NUDC: variants seen among roughly 807,000 people sequenced by gnomAD.
NUDC encodes the protein nuclear distribution C, dynein complex regulator.
In NUDC, 14 loss-of-function variants were observed where a neutral mutation model predicts 45.0. The ratio of observed to expected loss-of-function variants is 0.31; its 90% CI spans 0.21 to 0.49. The LOEUF is 0.49. Ranked by LOEUF, NUDC falls within the 20% of genes least tolerant of loss-of-function variation. The pLI, the probability that NUDC is intolerant of heterozygous loss-of-function variation, is 0.99. For missense variants in NUDC, 323 were observed against 426.2 expected (o/e 0.76, Z 2.13); for synonymous variants, 153 against 156.7 (o/e 0.98, Z 0.17).
intron 6 of NUDC, chr1:26,944,991 G>A (rs1478348982): frequency 1.2e-5 from 3 of 246,284 alleles, no homozygotes; most frequent in South Asian, 5.1e-5. Context: ...GCAGTGAGCC[G>A]AGATGGTGCC....
intron 2 of NUDC, 95 bp from the exon 3 acceptor site, chr1:26,941,362 C>T (rs2082274623): frequency 1.5e-6 from 2 of 1,302,084 alleles, no homozygotes; most frequent in African/African-American, 1.4e-5. Context: ...CAGTGCTTTG[C>T]CCTTGCACCC....
At chr1:26,913,772 G>C in intron 3 of NUDC, 1 of 1,566,364 alleles carries the variant, frequency 6.4e-7, no homozygotes. Flanking sequence ...AAGGCCTCCC[G>C]GCAGGTGCGA....
chr1:26,942,717 C>A lies in NUDC; in HGVS notation c.487C>A (p.Leu163Ile), dbSNP rs994904483. ...EKDKGKLKPNLGNGADLPNYR... is the reference protein window; with the variant it reads ...EKDKGKLKPNIGNGADLPNYR... ...GGACAAAGGAAAACTGAAGCCCAAC[C>A]TAGGCAACGGGGCAGACCTGCCCAA... The change falls in exon 5 of 9, where the codon CTA becomes ATA. Residue 163 changes from leucine (L) to isoleucine (I), a missense_variant. This residue lies in a region of NUDC where 245 missense variants were observed against 278.8 expected (regional missense o/e 0.88). Coordinates refer to ENST00000321265, the MANE Select transcript of NUDC (RefSeq NM_006600.4). The A allele has an allele frequency of 1.9e-6, 3 of 1,614,232 alleles. No homozygotes were observed. Among genetic ancestry groups the A allele is most frequent in the African/African-American group, 1.3e-5 (1 of 75,066 alleles).
chr1:26,936,167 T>TATATATA (rs1557678406), intron 2 of NUDC, among the ~76,000 whole-genome samples: 5 of 3,006 alleles, frequency 1.7e-3, no homozygotes, highest in Non-Finnish European at 2.2e-3. Flanking sequence ...ATATATATAT[T>TATATATA]TTTTTTTTTT....
At chr1:26,918,067 A>C (rs1384750777), upstream of NUDC, among the ~76,000 whole-genome samples, 1 of 151,944 alleles carries the variant, frequency 6.6e-6, no homozygotes, top group East Asian at 1.9e-4. Flanking sequence ...ATCATCTCCA[A>C]TTCCAAGCTC....
Position 26,914,836 on chromosome 1 carries a change from A to G in NUDC, c.93+3601A>G, listed in dbSNP as rs112256582. Among the ~76,000 whole-genome samples, 600 of 152,002 alleles carry G rather than the reference A, an allele frequency of 3.9e-3. 5 individuals are homozygous for G. Among genetic ancestry groups the G allele is most frequent in the African/African-American group, 0.014 (579 of 41,442 alleles). On this transcript the variant is annotated intron_variant, in intron 3 of 6. Coordinates refer to the NUDC transcript ENST00000435827. ...ACAAAAATTAGCCGGGCATGGTGGC[A>G]TGTGCCTGTAGTCCCAGCTACTCTA...
intron 2 of NUDC, among the ~76,000 whole-genome samples, chr1:26,927,187 C>CGTGT (rs71010306): frequency 7.9e-6 from 1 of 126,742 alleles, no homozygotes; most frequent in South Asian, 2.3e-4. Context: ...AGAGATGAAC[C>CGTGT]GTGTGTGTGT....
At chr1:26,934,343 G>A (rs936406509) in intron 2 of NUDC, among the ~76,000 whole-genome samples, 7 of 152,270 alleles carry the variant, frequency 4.6e-5, no homozygotes, top group African/African-American at 1.7e-4. Context: ...CATGAGAACA[G>A]CATGGGGGAA....
intron 2 of NUDC, among the ~76,000 whole-genome samples, chr1:26,936,134 A>AACATATATATATATATATATATAT (rs1553163907): frequency 1.3e-3 from 9 of 6,812 alleles, no homozygotes; most frequent in Non-Finnish European, 2.0e-3. Flanking sequence ...ACGCCCGGCT[A>AACATATATATATATATATATATAT]ATATATATAT....
Position 26,913,347 on chromosome 1 carries a change from A to G in NUDC, c.93+2112A>G, listed in dbSNP as rs538578692. Reference sequence around the variant, plus strand: ...AACAGATATCAAACCCTTAGAAGCTACCTTCCCTGGCTGGCCCCTGCTTCA... The same window carrying G: ...AACAGATATCAAACCCTTAGAAGCTGCCTTCCCTGGCTGGCCCCTGCTTCA... On this transcript the variant is annotated intron_variant, in intron 3 of 6. Transcript: ENST00000435827. The G allele has an allele frequency of 9.0e-5, 133 of 1,476,212 alleles. 1 individual carries two copies. The highest frequency in any genetic ancestry group is 1.1e-4 in the Non-Finnish European group (118 of 1,054,498). The allele number at this position is 1,476,212 out of a possible 1,614,324, so 91.4% of individuals were successfully genotyped here.
chr1:26,917,800 C>T (rs2082068918), upstream of NUDC, among the ~76,000 whole-genome samples: 1 of 151,654 alleles, frequency 6.6e-6, no homozygotes, highest in African/African-American at 2.4e-5. Context: ...GCAGGAGAAT[C>T]GCTTGAACCT....
At chr1:26,919,381 G>A (rs1342340048), upstream of NUDC, among the ~76,000 whole-genome samples, 1 of 152,160 alleles carries the variant, frequency 6.6e-6, no homozygotes, top group Non-Finnish European at 1.5e-5. Context: ...TTTTTAAATT[G>A]TTTTGTAGAG....
chr1:26,914,863 A>G (rs556641739), intron 3 of NUDC, among the ~76,000 whole-genome samples: 43 of 152,086 alleles, frequency 2.8e-4, no homozygotes, highest in African/African-American at 1.0e-3. Flanking sequence ...GCTACTCTAG[A>G]GGCTAAGGCA....
intron 3 of NUDC, chr1:26,912,021 A>C: frequency 6.2e-7 from 1 of 1,614,190 alleles, no homozygotes; most frequent in Non-Finnish European, 8.5e-7. Context: ...AGGACTTCAC[A>C]CAGCACCCAG....
intron 2 of NUDC, among the ~76,000 whole-genome samples, chr1:26,904,807 C>T (rs2081995573): frequency 6.6e-6 from 1 of 151,934 alleles, no homozygotes; most frequent in Admixed American, 6.6e-5. Context: ...ACTAAGTTCA[C>T]ACATGGTAAA....
At chr1:26,925,538 C>CAAAAAAA (rs71010305) in intron 2 of NUDC, among the ~76,000 whole-genome samples, 1 of 43,342 alleles carries the variant, frequency 2.3e-5, no homozygotes, top group African/African-American at 8.2e-5. Context: ...GACTCCGTCT[C>CAAAAAAA]AAAAAAAAAA....
At chr1:26,914,078 A>C in intron 3 of NUDC, 1 of 679,616 alleles carries the variant, frequency 1.5e-6, no homozygotes, top group Non-Finnish European at 2.1e-6. Flanking sequence ...TGAAAAAAAC[A>C]CACAGACATT....
chr1:26,911,710 G>T, intron 3 of NUDC: 1 of 991,260 alleles, frequency 1.0e-6, no homozygotes, highest in Non-Finnish European at 1.6e-6. Flanking sequence ...TGAGTGAAGA[G>T]CTGTTCCTAA....
At chr1:26,920,179 T>C (rs1056382073), upstream of NUDC, among the ~76,000 whole-genome samples, 2 of 152,158 alleles carry the variant, frequency 1.3e-5, no homozygotes, top group Admixed American at 6.5e-5. Flanking sequence ...TGTAACCATA[T>C]CAGAGCCTTT....
Sources: allele counts gnomAD v4.1 joint callset (sites outside exome capture counted in the v4.1 genomes callset), GRCh38; gene constraint gnomAD v4.1.1; regional missense constraint gnomAD v4.1.1; transcripts MANE v1.5; gene names NCBI Gene and HGNC (gene_info 2026-07-23, HGNC 2026-07-21).